DCP1B: variants seen among roughly 807,000 people sequenced by gnomAD.
The protein encoded by DCP1B is mRNA-decapping enzyme 1B.
DCP1B carries 47 observed loss-of-function variants against 60.5 expected under a neutral mutation model. The ratio of observed to expected loss-of-function variants is 0.78; its 90% CI spans 0.61 to 0.99. DCP1B has a LOEUF of 0.99. Among genes scored for constraint, DCP1B ranks in the 50% least tolerant of loss-of-function variants. The pLI, the probability that DCP1B is intolerant of heterozygous loss-of-function variation, is 0.00. For synonymous variants in DCP1B, 267 were observed against 280.3 expected, an observed-to-expected ratio of 0.95 and a Z score of 0.47; for missense variants, 725 against 756.8, an observed-to-expected ratio of 0.96 and a Z score of 0.49.
chr12:1,994,405 C>A (rs78998667), intron 2 of DCP1B, among the ~76,000 whole-genome samples: 1 of 152,198 alleles, frequency 6.6e-6, no homozygotes, highest in African/African-American at 2.4e-5. Flanking sequence ...AGCTACATAA[C>A]CACTACCAGG....
intron 3 of DCP1B, among the ~76,000 whole-genome samples, chr12:1,982,713 C>G (rs2036512358): frequency 6.6e-6 from 1 of 152,010 alleles, no homozygotes. Context: ...GATTTTTATA[C>G]CTATATTCAC....
chr12:1,952,679 C>G lies in DCP1B; in HGVS notation c.1261G>C (p.Ala421Pro), dbSNP rs769479236. The G allele has an allele frequency of 6.2e-7, 1 of 1,614,118 alleles. No homozygotes were observed. Among genetic ancestry groups the G allele is most frequent in the South Asian group, 1.1e-5 (1 of 91,074 alleles). The change falls in exon 7 of 9, where the codon GCT becomes CCT. Residue 421 changes from alanine to proline, a missense_variant. Coordinates refer to ENST00000280665, the MANE Select transcript of DCP1B (RefSeq NM_152640.5). ...SLPPQTVGHQ[A>P]HGREQSTLPR... Reference sequence around the variant, plus strand: ...AGTGTGGACTGTTCTCTTCCATGAGCCTGATGTCCTACTGTCTGAGGTGGA... The same window carrying G: ...AGTGTGGACTGTTCTCTTCCATGAGGCTGATGTCCTACTGTCTGAGGTGGA...
intron 3 of DCP1B, among the ~76,000 whole-genome samples, chr12:1,982,784 G>A (rs544268795): frequency 3.5e-4 from 53 of 152,186 alleles, no homozygotes; most frequent in African/African-American, 1.2e-3. Flanking sequence ...TTGGTATCAG[G>A]ATAATGCTGC....
In DCP1B at chr12:1,948,974, C is replaced by G; in HGVS notation, c.1773+112G>C. 1 of 1,399,390 alleles carries G rather than the reference C, an allele frequency of 7.1e-7. No homozygotes were observed. The highest frequency in any genetic ancestry group is 9.8e-7 in the Non-Finnish European group (1 of 1,021,438). The allele number at this position is 1,399,390 out of a possible 1,614,324, so 86.7% of individuals were successfully genotyped here. A position where few individuals can be genotyped will look rare whatever the true frequency, so the allele number is the denominator to read the frequency against. On this transcript the variant is annotated intron_variant, in intron 8 of 8. Coordinates refer to ENST00000280665, the MANE Select transcript of DCP1B (RefSeq NM_152640.5). This position sits in a 1 kb window ranked among gnomAD's most constrained non-coding sequence, Gnocchi z 4.8. ...GGTCAGGATGAGTTGTTACACACACCTGTTATTCTCACGGAAGCTAAGCAG... is the reference window on the plus strand; with the variant it reads ...GGTCAGGATGAGTTGTTACACACACGTGTTATTCTCACGGAAGCTAAGCAG...
In DCP1B at chr12:1,946,161, G is replaced by C. The variant is rs763718519; in HGVS notation, c.*45C>G. On this transcript the variant is annotated 3_prime_UTR_variant, in exon 9 of 9. Transcript: ENST00000280665. ...CTCAACATGAAAGAACCTTGTGCCG[G>C]AGTTCTAGAAGGACCTTGAAAATCA... 1 of 1,403,090 alleles carries C rather than the reference G, an allele frequency of 7.1e-7. No homozygotes were observed. Among genetic ancestry groups the C allele is most frequent in the South Asian group, 1.5e-5 (1 of 65,928 alleles). The allele number at this position is 1,403,090 out of a possible 1,614,324, so 86.9% of individuals were successfully genotyped here.
At chr12:1,949,374 G>A (rs781522968) in intron 7 of DCP1B, 40 bp from the exon 8 acceptor site, 1 of 1,600,342 alleles carries the variant, frequency 6.2e-7, no homozygotes, top group Non-Finnish European at 8.6e-7. Context: ...GGGTTCAGGA[G>A]CAGCTCACGG....
In DCP1B at chr12:2,003,037, C is replaced by T. The variant is rs561778811; in HGVS notation, c.150+1245G>A. On this transcript the variant is annotated intron_variant, in intron 1 of 8. Coordinates refer to ENST00000280665, the MANE Select transcript of DCP1B (RefSeq NM_152640.5). ...CGAATATTAAAGAGCTCTTCCTGTT[C>T]TCCTTTTGTGTTTGGCTACTAGGAG... Among the ~76,000 whole-genome samples, 3 of 152,312 alleles carry T rather than the reference C, an allele frequency of 2.0e-5. No homozygotes were observed. In the South Asian group the frequency reaches 6.2e-4, roughly 32 times the overall value.
chr12:1,963,122 T>G (rs1411684660), intron 5 of DCP1B, among the ~76,000 whole-genome samples: 1 of 152,268 alleles, frequency 6.6e-6, no homozygotes, highest in Admixed American at 6.5e-5. Flanking sequence ...TGCTGTACAT[T>G]TGACATCTTA....
At chr12:1,981,791 A>G (rs573342791) in intron 3 of DCP1B, among the ~76,000 whole-genome samples, 1 of 152,336 alleles carries the variant, frequency 6.6e-6, no homozygotes, top group African/African-American at 2.4e-5. Flanking sequence ...CCAGGGAGGT[A>G]AAGTTCCAGC....
At chr12:1,951,505 T>A (rs981287916) in intron 7 of DCP1B, among the ~76,000 whole-genome samples, 1 of 152,190 alleles carries the variant, frequency 6.6e-6, no homozygotes, top group Non-Finnish European at 1.5e-5. Context: ...TGGAAAAGCA[T>A]CTTCTCTAAA....
intron 5 of DCP1B, chr12:1,961,473 A>T (rs1011654792): frequency 6.6e-6 from 1 of 152,198 alleles, no homozygotes; most frequent in South Asian, 2.1e-4. Flanking sequence ...ATAAAACAAC[A>T]TGTATTTGAT....
In DCP1B at chr12:1,999,727, T is replaced by TATAA. The variant is rs576437697; in HGVS notation, c.151-1756_151-1753dup. Among the ~76,000 whole-genome samples, 347 of 152,202 alleles carry TATAA rather than the reference T, an allele frequency of 2.3e-3. 4 individuals carry two copies. Among genetic ancestry groups the TATAA allele is most frequent in the African/African-American group, 7.3e-3 (304 of 41,500 alleles). ...GGCAACAGAGGGAGACCCTGTTTCTTATAAATAAATAAATAAATAACAATT... is the reference window on the plus strand; with the variant it reads ...GGCAACAGAGGGAGACCCTGTTTCTTATAAATAAATAAATAAATAAATAACAATT... On this transcript the variant is annotated intron_variant, in intron 1 of 8. Transcript: ENST00000280665.
chr12:1,967,666 G>A (rs1309364578), intron 4 of DCP1B, among the ~76,000 whole-genome samples, 178 bp downstream of exon 4: 5 of 152,144 alleles, frequency 3.3e-5, no homozygotes, highest in African/African-American at 7.2e-5. Flanking sequence ...GTGAAACTGC[G>A]GCAAGTTGTT....
Position 1,971,011 on chromosome 12 carries a change from TA to T in DCP1B, c.320-3102del. On this transcript the variant is annotated intron_variant, in intron 3 of 8. Transcript: ENST00000280665. The surrounding 1 kb of genome is among the most constrained non-coding windows in gnomAD (Gnocchi z 4.2). Reference sequence around the variant, plus strand: ...AAATTATAAGAGATCATGAGCAGGATAATTATTTAGCTTTAAAAATCAACCA... The same window carrying T: ...AAATTATAAGAGATCATGAGCAGGATATTATTTAGCTTTAAAAATCAACCA... 1 of 1,185,032 alleles carries T rather than the reference TA, an allele frequency of 8.4e-7. No homozygotes were observed. Among genetic ancestry groups the T allele is most frequent in the Non-Finnish European group, 1.1e-6 (1 of 906,090 alleles). The allele number at this position is 1,185,032 out of a possible 1,614,324, so 73.4% of individuals were successfully genotyped here. A position where few individuals can be genotyped will look rare whatever the true frequency, so the allele number is the denominator to read the frequency against.
chr12:1,983,930 A>T (rs947364935), intron 3 of DCP1B, among the ~76,000 whole-genome samples: 2 of 152,006 alleles, frequency 1.3e-5, no homozygotes, highest in African/African-American at 4.8e-5. Context: ...CATACACATT[A>T]ATAATTATTA....
intron 3 of DCP1B, among the ~76,000 whole-genome samples, chr12:1,972,230 C>T (rs973564364): frequency 1.3e-5 from 2 of 152,306 alleles, no homozygotes; most frequent in African/African-American, 4.8e-5. Context: ...CTTCAAACTC[C>T]ACTCCTTTCA....
In DCP1B at chr12:1,948,714, A is replaced by G. The variant is rs1409817652; in HGVS notation, c.1773+372T>C. Among the ~76,000 whole-genome samples the G allele has an allele frequency of 6.6e-6, 1 of 152,124 alleles. No homozygotes were observed. The highest frequency in any genetic ancestry group is 1.5e-5 in the Non-Finnish European group (1 of 68,008). On this transcript the variant is annotated intron_variant, in intron 8 of 8. Coordinates refer to ENST00000280665, the MANE Select transcript of DCP1B (RefSeq NM_152640.5). The surrounding 1 kb of genome is among the most constrained non-coding windows in gnomAD (Gnocchi z 4.8). ...CCACTCAACAGATGGCCCCTTGCCC[A>G]GGACTGCTCCCACCTCTACCTCCCA...
rs766357928 is a variant in DCP1B at position 1,965,657 on chromosome 12, T to G, written c.423A>C (p.Gly141=). The G allele has an allele frequency of 1.3e-5, 21 of 1,614,000 alleles. 1 individual carries two copies. The South Asian group carries it at 2.3e-4, about 18-fold the overall frequency. The part of the protein sequence containing the change: ...TQYEQLKAHQ[G]TGAGISPVIL... Reference sequence around the variant, plus strand: ...TCACTGGGGAAATTCCTGCTCCAGTTCCCTGATGGGCTTTCAACTGTTCAT... The same window carrying G: ...TCACTGGGGAAATTCCTGCTCCAGTGCCCTGATGGGCTTTCAACTGTTCAT... The change falls in exon 5 of 9, where the codon GGA becomes GGC. Residue 141 remains glycine, a synonymous_variant. Transcript: ENST00000280665.
intron 4 of DCP1B, 72 bp from the exon 5 acceptor site, chr12:1,965,765 A>G (rs1250415582): frequency 1.3e-6 from 2 of 1,485,920 alleles, no homozygotes; most frequent in African/African-American, 1.4e-5. Context: ...AACCATCCCA[A>G]TTCTCACCTA....
Sources: allele counts gnomAD v4.1 joint callset (sites outside exome capture counted in the v4.1 genomes callset), GRCh38; gene constraint gnomAD v4.1.1; non-coding constraint Gnocchi (gnomAD v3.1); transcripts MANE v1.5; gene names NCBI Gene and HGNC (gene_info 2026-07-23, HGNC 2026-07-21).